The following COMMD10 variants were observed in gnomAD, a reference collection of about 807,000 sequenced individuals.
COMMD10 encodes COMM domain-containing protein 10.
In COMMD10, 33 loss-of-function variants were observed where a neutral mutation model predicts 28.9. That is an observed-to-expected ratio of 1.14 (90% CI 0.87 to 1.53). The LOEUF is 1.53. Ranked by LOEUF, COMMD10 falls within the 40% of genes most tolerant of loss-of-function variation. The pLI, the probability that COMMD10 is intolerant of heterozygous loss-of-function variation, is 0.00. For synonymous variants in COMMD10, 110 were observed against 81.7 expected, an observed-to-expected ratio of 1.35 and a Z score of -1.87; for missense variants, 310 against 233.4, an observed-to-expected ratio of 1.33 and a Z score of -2.14.
Position 116,140,231 on chromosome 5 carries a change from A to ATGTGTGTGTGTGTGTGTGTGTGTGTGTG in COMMD10, c.510+6078_510+6079insGTGTGTGTGTGTGTGTGTGTGTGTGTGT, listed in dbSNP as rs3072964. ...TTTTTCAAGGCTGACTCATACTACTATGTGTGTGTGTGTGTGTGTGTGTGT... is the reference window on the plus strand; with the variant it reads ...TTTTTCAAGGCTGACTCATACTACTATGTGTGTGTGTGTGTGTGTGTGTGTGTGTGTGTGTGTGTGTGTGTGTGTGTGT... On this transcript the variant is annotated intron_variant, in intron 5 of 6. Coordinates refer to ENST00000274458, the MANE Select transcript of COMMD10 (RefSeq NM_016144.4). Among the ~76,000 whole-genome samples, 432 of 147,072 alleles carry ATGTGTGTGTGTGTGTGTGTGTGTGTGTG rather than the reference A, an allele frequency of 2.9e-3. 2 individuals carry two copies. Among genetic ancestry groups the ATGTGTGTGTGTGTGTGTGTGTGTGTGTG allele is most frequent in the African/African-American group, 9.5e-3 (379 of 39,732 alleles).
At chr5:116,088,015 C>T (rs1351499332) in intron 2 of COMMD10, among the ~76,000 whole-genome samples, 1 of 152,116 alleles carries the variant, frequency 6.6e-6, no homozygotes, top group Non-Finnish European at 1.5e-5. Flanking sequence ...GGTATTTAAT[C>T]TTTCACTTAA....
At chr5:116,115,631 C>G (rs1196016765) in intron 4 of COMMD10, among the ~76,000 whole-genome samples, 5 of 152,118 alleles carry the variant, frequency 3.3e-5, no homozygotes, top group Admixed American at 3.3e-4. Context: ...TTTATTAAAT[C>G]ATGAATTCTT....
At chr5:116,189,112 G>A (rs1561657884) in intron 5 of COMMD10, among the ~76,000 whole-genome samples, 1 of 152,162 alleles carries the variant, frequency 6.6e-6, no homozygotes, top group Non-Finnish European at 1.5e-5. Context: ...AAGCCAAAGT[G>A]GGGCAGATAG....
chr5:116,241,302 A>G (rs1355308382), intron 5 of COMMD10, among the ~76,000 whole-genome samples: 1 of 152,194 alleles, frequency 6.6e-6, no homozygotes, highest in Non-Finnish European at 1.5e-5. Flanking sequence ...AAGGTAGAGG[A>G]TTAGGTTAGA....
intron 5 of COMMD10, among the ~76,000 whole-genome samples, chr5:116,239,884 T>A (rs1004023426): frequency 5.3e-5 from 8 of 152,190 alleles, no homozygotes; most frequent in Non-Finnish European, 1.2e-4. Flanking sequence ...CTTTGTCTTT[T>A]CTTCAACTGA....
At position 116,176,219 on chromosome 5, in the gene COMMD10, C is replaced by G. The variant is rs1034570905; in HGVS notation, c.510+42041C>G. ...CTCCACCTACAAGATTCAAGCAATT[C>G]TCATGCCTCAGCCTCCTGAGTAGCT... On this transcript the variant is annotated intron_variant, in intron 5 of 6. Transcript: ENST00000274458. 2.0e-5 allele frequency among the ~76,000 whole-genome samples: 3 copies of G among 152,176 alleles called. 1 individual carries two copies. The highest frequency in any genetic ancestry group is 2.0e-4 in the Admixed American group (3 of 15,274).
Position 116,292,485 on chromosome 5 carries a change from C to G in COMMD10, c.605C>G (p.Thr202Arg), listed in dbSNP as rs757242008. Residue 202 changes from threonine (T) to arginine (R), a missense_variant, in exon 7 of 7, where the codon ACA (threonine) becomes AGA (arginine). Physicochemically the swap from Thr to Arg is moderately conservative, Grantham distance 71. Transcript: ENST00000274458. ...ETIQAQLDSL[T>R] ...ATACAAGCACAGCTGGATTCCCTTACATGATGTTTTCGAAGACTGTTTTTT... is the reference window on the plus strand; with the variant it reads ...ATACAAGCACAGCTGGATTCCCTTAGATGATGTTTTCGAAGACTGTTTTTT... 1.3e-6 allele frequency: 2 copies of G among 1,575,494 alleles called. No homozygotes were observed. Among genetic ancestry groups the G allele is most frequent in the Non-Finnish European group, 1.7e-6 (2 of 1,159,984 alleles).
At chr5:116,217,284 A>T (rs7711861) in intron 5 of COMMD10, among the ~76,000 whole-genome samples, 17,008 of 151,982 alleles carry the variant, frequency 0.11, 1,376 homozygotes, top group African/African-American at 0.22. Context: ...ACATGGGCAG[A>T]CAGTCATTAA....
At chr5:116,134,319 C>T (rs1006365561) in intron 5 of COMMD10, 141 bp downstream of exon 5, 1 of 549,712 alleles carries the variant, frequency 1.8e-6, no homozygotes. Context: ...TCTTTTTTGA[C>T]AGAAATAGCT....
chr5:116,191,665 C>T (rs1053222202), intron 5 of COMMD10, among the ~76,000 whole-genome samples: 34 of 151,864 alleles, frequency 2.2e-4, no homozygotes, highest in African/African-American at 8.2e-4. Flanking sequence ...TGAGCTCAGA[C>T]ATACCTAGCC....
intron 5 of COMMD10, among the ~76,000 whole-genome samples, chr5:116,211,395 A>G (rs538798814): frequency 1.7e-3 from 261 of 152,262 alleles, no homozygotes; most frequent in African/African-American, 5.9e-3. Context: ...ACTATAGGCA[A>G]TTGTAAAACA....
chr5:116,265,230 A>G (rs1750554456), intron 5 of COMMD10, among the ~76,000 whole-genome samples: 1 of 151,794 alleles, frequency 6.6e-6, no homozygotes, highest in African/African-American at 2.4e-5. Flanking sequence ...CTGCTAGAGC[A>G]TAATATTCTG....
intron 5 of COMMD10, among the ~76,000 whole-genome samples, chr5:116,167,265 T>C (rs1242908071): frequency 2.0e-5 from 3 of 151,492 alleles, no homozygotes; most frequent in Non-Finnish European, 4.4e-5. Context: ...ATCAACTTAA[T>C]GAAGTAAAGC....
chr5:116,199,484 C>A (rs929299543), intron 5 of COMMD10, among the ~76,000 whole-genome samples: 1 of 152,048 alleles, frequency 6.6e-6, no homozygotes. Flanking sequence ...CAGCTTGTCA[C>A]TTCTTTCTTT....
intron 5 of COMMD10, among the ~76,000 whole-genome samples, chr5:116,273,861 T>C (rs557144452): frequency 2.0e-5 from 3 of 151,750 alleles, no homozygotes; most frequent in Non-Finnish European, 4.4e-5. Context: ...AAAAAAGGCA[T>C]TTATTATTAA....
At chr5:116,122,705 T>C (rs1225102592) in intron 4 of COMMD10, among the ~76,000 whole-genome samples, 1 of 152,226 alleles carries the variant, frequency 6.6e-6, no homozygotes, top group Non-Finnish European at 1.5e-5. Context: ...ACATCCCTTG[T>C]AAGCTGGATT....
At chr5:116,163,386 A>C (rs1346342519) in intron 5 of COMMD10, among the ~76,000 whole-genome samples, 1 of 147,372 alleles carries the variant, frequency 6.8e-6, no homozygotes, top group Non-Finnish European at 1.5e-5. Context: ...GGAGTTGGAG[A>C]CTAGCCTGGC....
chr5:116,286,323 GA>G (rs1449937281), intron 5 of COMMD10, among the ~76,000 whole-genome samples: 1 of 118,142 alleles, frequency 8.5e-6, no homozygotes, highest in Non-Finnish European at 1.6e-5. Context: ...CAATTTCTAT[GA>G]ATTTTTATAT....
rs368525104 is a variant in COMMD10 at position 116,126,108 on chromosome 5, AT to A, written c.400-7959del. Among the ~76,000 whole-genome samples the A allele has an allele frequency of 3.7e-4, 56 of 152,282 alleles. No individual in the cohort carries two copies. In the East Asian group the frequency reaches 0.011, roughly 29 times the overall value. ...TAGGATACAAAATCAGTGTGCAAAA[AT>A]CACAGGCATTCCTATACGCCAATAA... On this transcript the variant is annotated intron_variant, in intron 4 of 6. Coordinates refer to ENST00000274458, the MANE Select transcript of COMMD10 (RefSeq NM_016144.4).
Sources: allele counts gnomAD v4.1 joint callset (sites outside exome capture counted in the v4.1 genomes callset), GRCh38; gene constraint gnomAD v4.1.1; transcripts MANE v1.5; gene names NCBI Gene and HGNC (gene_info 2026-07-23, HGNC 2026-07-21).